ANKS1B: variants seen among roughly 807,000 people sequenced by gnomAD.
ANKS1B encodes the protein ankyrin repeat and sterile alpha motif domain-containing protein 1B.
Under a neutral mutation model 148.3 loss-of-function variants are expected in ANKS1B, and 36 were observed. That is an observed-to-expected ratio of 0.24 (90% CI 0.19 to 0.32). The LOEUF is 0.32. Among genes scored for constraint, ANKS1B ranks in the 10% least tolerant of loss-of-function variants. The pLI, the probability that ANKS1B is intolerant of heterozygous loss-of-function variation, is 1.00. For missense variants in ANKS1B, 1,157 were observed against 1,542.6 expected, an observed-to-expected ratio of 0.75 and a Z score of 4.19; for synonymous variants, 542 against 560.8, an observed-to-expected ratio of 0.97 and a Z score of 0.47.
At chr12:98,947,127 GGGGTTAACAGGGAGCCCTGT>G (rs999672075) in intron 17 of ANKS1B, among the ~76,000 whole-genome samples, 3 of 152,074 alleles carry the variant, frequency 2.0e-5, no homozygotes, top group Non-Finnish European at 4.4e-5. Flanking sequence ...AGGGAGGGCA[GGGGTTAACAGGGAGCCCTGT>G]GGGTCTTTTA....
chr12:99,831,722 T>TC (rs1187143706), intron 1 of ANKS1B, among the ~76,000 whole-genome samples: 2 of 152,072 alleles, frequency 1.3e-5, no homozygotes, highest in African/African-American at 2.4e-5. Flanking sequence ...ATCAGGGTTT[T>TC]TTTTTTTTAG....
intron 17 of ANKS1B, among the ~76,000 whole-genome samples, chr12:98,965,115 A>C (rs543814726): frequency 5.3e-5 from 8 of 152,128 alleles, no homozygotes; most frequent in Non-Finnish European, 8.8e-5. Flanking sequence ...TAAAAAAAAA[A>C]CCCCTGGACT....
chr12:99,860,943 G>T (rs2153717625), intron 1 of ANKS1B, among the ~76,000 whole-genome samples: 1 of 152,244 alleles, frequency 6.6e-6, no homozygotes, highest in South Asian at 2.1e-4. Context: ...CCTATGTAAA[G>T]AACTACAACC....
At chr12:99,463,501 G>C (rs2096026814) in intron 10 of ANKS1B, among the ~76,000 whole-genome samples, 1 of 152,206 alleles carries the variant, frequency 6.6e-6, no homozygotes, top group Admixed American at 6.5e-5. Context: ...GCCTCACTTG[G>C]GAAGTGCAAG....
At chr12:99,045,350 C>A (rs2099961648) in intron 17 of ANKS1B, among the ~76,000 whole-genome samples, 1 of 152,194 alleles carries the variant, frequency 6.6e-6, no homozygotes, top group Non-Finnish European at 1.5e-5. Context: ...GCTGAGTCAG[C>A]TCCTTCTTCC....
chr12:98,983,805 C>G (rs979945279), intron 17 of ANKS1B, among the ~76,000 whole-genome samples: 1 of 152,174 alleles, frequency 6.6e-6, no homozygotes, highest in Non-Finnish European at 1.5e-5. Flanking sequence ...TGGGAAAACT[C>G]CACTGAGTTT....
intron 17 of ANKS1B, among the ~76,000 whole-genome samples, chr12:98,880,944 G>GA (rs964213174): frequency 5.6e-4 from 85 of 151,602 alleles, no homozygotes; most frequent in South Asian, 2.5e-3. Context: ...ATTACAAACC[G>GA]AAAAAAAATT....
intron 1 of ANKS1B, among the ~76,000 whole-genome samples, chr12:99,853,497 G>A (rs2088375324): frequency 6.6e-6 from 1 of 152,154 alleles, no homozygotes; most frequent in Non-Finnish European, 1.5e-5. Flanking sequence ...CCTCACTGCA[G>A]TTTGGCTCTC....
intron 16 of ANKS1B, among the ~76,000 whole-genome samples, chr12:99,074,498 C>T (rs1422663715): frequency 1.3e-5 from 2 of 152,172 alleles, no homozygotes; most frequent in Admixed American, 1.3e-4. Flanking sequence ...CCAGCCCATA[C>T]AGTTATTGCG....
rs1183831897 is a variant in ANKS1B, at chr12:99,177,866, G to A, written c.2420-23471C>T. Among the ~76,000 whole-genome samples the A allele has an allele frequency of 3.9e-5, 6 of 152,084 alleles. No homozygotes were observed. In the East Asian group the frequency reaches 1.2e-3, roughly 29 times the overall value. On this transcript the variant is annotated intron_variant, in intron 14 of 26. Transcript: ENST00000683438. Reference sequence around the variant, plus strand: ...TGCTTTACTACCACAATCTTTACAAGTCTAATGCTGTGTCTCTTCTTGAAT... The same window carrying A: ...TGCTTTACTACCACAATCTTTACAAATCTAATGCTGTGTCTCTTCTTGAAT...
chr12:99,267,463 T>C (rs2076559603), intron 12 of ANKS1B, among the ~76,000 whole-genome samples: 1 of 152,192 alleles, frequency 6.6e-6, no homozygotes, highest in African/African-American at 2.4e-5. Context: ...ATAAAATATA[T>C]ACATTTCCAA....
At chr12:99,393,954 C>A (rs191554490) in intron 12 of ANKS1B, among the ~76,000 whole-genome samples, 3 of 152,314 alleles carry the variant, frequency 2.0e-5, no homozygotes, top group African/African-American at 7.2e-5. Context: ...AAATTCAACT[C>A]TCCAAATACT....
intron 24 of ANKS1B, among the ~76,000 whole-genome samples, chr12:98,779,341 T>G (rs745968397): frequency 6.6e-6 from 1 of 152,152 alleles, no homozygotes; most frequent in Non-Finnish European, 1.5e-5. Context: ...CTCTCTTTCA[T>G]TCCTCTGATT....
At chr12:99,237,430 C>G (rs1489073282) in intron 14 of ANKS1B, among the ~76,000 whole-genome samples, 1 of 152,012 alleles carries the variant, frequency 6.6e-6, no homozygotes, top group Non-Finnish European at 1.5e-5. Context: ...AAAACTCAAA[C>G]AAGAAAAATG....
intron 8 of ANKS1B, among the ~76,000 whole-genome samples, chr12:99,723,244 C>T (rs575910155): frequency 4.7e-4 from 72 of 152,334 alleles, no homozygotes; most frequent in Admixed American, 9.1e-4. Flanking sequence ...AGCTGCCTAA[C>T]ACACTAAGCT....
At chr12:99,788,672 C>T (rs143768551) in intron 4 of ANKS1B, among the ~76,000 whole-genome samples, 2 of 152,244 alleles carry the variant, frequency 1.3e-5, no homozygotes, top group African/African-American at 2.4e-5. Flanking sequence ...GGGGTCTCTG[C>T]GTTCAGGCCT....
chr12:99,971,700 A>G (rs981325053), intron 1 of ANKS1B, among the ~76,000 whole-genome samples: 7 of 152,172 alleles, frequency 4.6e-5, no homozygotes, highest in East Asian at 3.8e-4. Flanking sequence ...ACCGTAAAAC[A>G]TAAGTTTTAG....
intron 11 of ANKS1B, among the ~76,000 whole-genome samples, chr12:99,436,669 A>T (rs998168358): frequency 1.3e-5 from 2 of 151,970 alleles, no homozygotes; most frequent in Non-Finnish European, 2.9e-5. Context: ...AATGGCAGGG[A>T]GAGGTGCTAT....
chr12:99,105,768 C>CAAAAAAA (rs11349848), intron 15 of ANKS1B, among the ~76,000 whole-genome samples: 2 of 82,924 alleles, frequency 2.4e-5, no homozygotes, highest in Admixed American at 1.3e-4. Flanking sequence ...GACTCTGTCT[C>CAAAAAAA]AAAAAAAAAA....
Sources: allele counts gnomAD v4.1 joint callset (sites outside exome capture counted in the v4.1 genomes callset), GRCh38; gene constraint gnomAD v4.1.1; transcripts MANE v1.5; gene names NCBI Gene and HGNC (gene_info 2026-07-23, HGNC 2026-07-21).